PDE1C: variants seen among roughly 807,000 people sequenced by gnomAD.
PDE1C encodes the protein dual specificity calcium/calmodulin-dependent 3',5'-cyclic nucleotide phosphodiesterase 1C.
A neutral mutation model predicts 93.1 loss-of-function variants in PDE1C; 62 were observed. That is an observed-to-expected ratio of 0.67 (90% CI 0.54 to 0.82). PDE1C has a LOEUF of 0.82. Ranked by LOEUF, PDE1C falls within the 40% of genes least tolerant of loss-of-function variation. The pLI is 0.00. For missense variants in PDE1C, 742 were observed against 884.6 expected, an observed-to-expected ratio of 0.84 and a Z score of 2.04; for synonymous variants, 325 against 310.1, an observed-to-expected ratio of 1.05 and a Z score of -0.50.
At chr7:31,703,371 A>G in the PDE1C span, among the ~76,000 whole-genome samples, 3 of 152,186 alleles carry the variant, frequency 2.0e-5, no homozygotes, top group Admixed American at 2.0e-4. Context: ...CAATATCTAC[A>G]TCCTAAGAGA....
intron 2 of PDE1C, among the ~76,000 whole-genome samples, chr7:32,196,237 C>G (rs1804607200): frequency 2.0e-5 from 3 of 152,064 alleles, no homozygotes. Context: ...TCCCAGCAAG[C>G]CTTTTTTGGA....
chr7:32,345,952 T>C (rs1247431054), intron 1 of PDE1C, among the ~76,000 whole-genome samples: 1 of 152,194 alleles, frequency 6.6e-6, no homozygotes, highest in East Asian at 1.9e-4. Flanking sequence ...ACAAGTTAAA[T>C]ACAAACCCAC....
At chr7:32,169,034 GCAGAAGGCAATCTGGA>G (rs1352768388) in intron 3 of PDE1C, among the ~76,000 whole-genome samples, 2 of 152,092 alleles carry the variant, frequency 1.3e-5, no homozygotes, top group Non-Finnish European at 2.9e-5. Flanking sequence ...GAAAGGAGGG[GCAGAAGGCAATCTGGA>G]AAAATGATTG....
chr7:31,882,461 C>G (rs1182193236), intron 2 of PDE1C, among the ~76,000 whole-genome samples: 1 of 152,164 alleles, frequency 6.6e-6, no homozygotes, highest in African/African-American at 2.4e-5. Flanking sequence ...ATTGGAAGCT[C>G]TTTAGCAAAA....
At chr7:32,267,086 G>A (rs2128883647) in intron 1 of PDE1C, among the ~76,000 whole-genome samples, 1 of 152,340 alleles carries the variant, frequency 6.6e-6, no homozygotes, top group Non-Finnish European at 1.5e-5. Flanking sequence ...CTGCCACCTG[G>A]CCAAGCCCTG....
chr7:31,950,203 G>C (rs557461009), intron 2 of PDE1C, among the ~76,000 whole-genome samples: 1 of 152,124 alleles, frequency 6.6e-6, no homozygotes, highest in African/African-American at 2.4e-5. Context: ...AACTCTTTAC[G>C]TGGCAGGCAC....
intron 1 of PDE1C, among the ~76,000 whole-genome samples, chr7:32,224,025 C>T (rs953319636): frequency 6.6e-6 from 1 of 152,204 alleles, no homozygotes; most frequent in African/African-American, 2.4e-5. Context: ...GAACTAGTCC[C>T]TCTCTGCAGG....
intron 16 of PDE1C, among the ~76,000 whole-genome samples, chr7:31,776,187 C>G (rs1782949136): frequency 6.6e-6 from 1 of 152,152 alleles, no homozygotes; most frequent in Non-Finnish European, 1.5e-5. Flanking sequence ...GGGGTTTTGT[C>G]TCTGCTTTGT....
the PDE1C span, among the ~76,000 whole-genome samples, chr7:31,647,360 T>A: frequency 3.3e-5 from 5 of 152,062 alleles, no homozygotes; most frequent in Admixed American, 2.6e-4. Context: ...GAGATGGACA[T>A]CTCTTAGAAG....
intron 1 of PDE1C, among the ~76,000 whole-genome samples, chr7:32,379,987 TC>T (rs780225893): frequency 1.3e-5 from 2 of 152,186 alleles, no homozygotes; most frequent in African/African-American, 2.4e-5. Flanking sequence ...CTTTTGCTAC[TC>T]AAAGGCTTAG....
chr7:31,722,893 G>A, the PDE1C span, among the ~76,000 whole-genome samples: 6 of 152,310 alleles, frequency 3.9e-5, no homozygotes, highest in South Asian at 1.0e-3. Flanking sequence ...TCCTATCACA[G>A]AGAATCTGAC....
chr7:32,250,304 C>A (rs1809270692), intron 1 of PDE1C, among the ~76,000 whole-genome samples: 1 of 152,234 alleles, frequency 6.6e-6, no homozygotes. Context: ...GTCACACACA[C>A]AGCCATTAGG....
At chr7:32,199,121 A>T (rs149396121) in intron 2 of PDE1C, among the ~76,000 whole-genome samples, 17 of 149,460 alleles carry the variant, frequency 1.1e-4, no homozygotes, top group Non-Finnish European at 2.1e-4. Flanking sequence ...AAAACTACCA[A>T]AAATAAAAAT....
In PDE1C at chr7:31,775,729, G is replaced by A; in HGVS notation, c.1895C>T (p.Thr632Ile). 1 of 1,612,724 alleles carries A rather than the reference G, an allele frequency of 6.2e-7. No individual in the cohort carries two copies. ...IGNDSKKTDG[T>I]KQRSHGSPAP... ...TGGTGAGCCGTGAGAACGCTGTTTT[G>A]TGCCTGTGAAGAGGAAAAAGAGGAT... is the stretch of plus-strand genomic sequence containing the variant. Residue 632 changes from threonine to isoleucine, a missense_variant, in exon 17 of 18, where the codon ACA becomes ATA. Coordinates refer to ENST00000396191, the MANE Select transcript of PDE1C (RefSeq NM_001191057.4).
chr7:32,275,216 T>C (rs937449286), intron 1 of PDE1C, among the ~76,000 whole-genome samples: 2 of 152,200 alleles, frequency 1.3e-5, no homozygotes, highest in Non-Finnish European at 2.9e-5. Flanking sequence ...ATGCCTTTTC[T>C]ACTGCTAGCA....
intron 16 of PDE1C, chr7:31,783,493 A>C (rs1217477794): frequency 1.3e-5 from 2 of 151,934 alleles, no homozygotes; most frequent in African/African-American, 4.8e-5. Flanking sequence ...TCAAAGAAAG[A>C]AAAAAAAGTC....
At chr7:32,203,223 T>C (rs1805156495) in intron 2 of PDE1C, among the ~76,000 whole-genome samples, 1 of 151,576 alleles carries the variant, frequency 6.6e-6, no homozygotes, top group Admixed American at 6.6e-5. Context: ...CCCACATATT[T>C]CTTCTTCTTC....
At chr7:31,634,088 T>C in the PDE1C span, among the ~76,000 whole-genome samples, 1 of 152,168 alleles carries the variant, frequency 6.6e-6, no homozygotes, top group African/African-American at 2.4e-5. Flanking sequence ...ACTCTGTGGT[T>C]GGTGTAATGC....
chr7:32,320,769 G>C (rs1175991350), intron 1 of PDE1C, among the ~76,000 whole-genome samples: 1 of 152,168 alleles, frequency 6.6e-6, no homozygotes, highest in Non-Finnish European at 1.5e-5. Flanking sequence ...CTCAGGGAAA[G>C]AAACTTAGAA....
Sources: allele counts gnomAD v4.1 joint callset (sites outside exome capture counted in the v4.1 genomes callset), GRCh38; gene constraint gnomAD v4.1.1; transcripts MANE v1.5; gene names NCBI Gene and HGNC (gene_info 2026-07-23, HGNC 2026-07-21).